MEIOB: variants seen among roughly 807,000 people sequenced by gnomAD.
MEIOB encodes meiosis specific with OB-fold.
MEIOB carries 50 observed loss-of-function variants against 53.1 expected under a neutral mutation model. That is an observed-to-expected ratio of 0.94 (90% CI 0.75 to 1.19). The LOEUF (loss-of-function observed/expected upper bound fraction) is 1.19, where lower values mean the gene tolerates loss of function less well. MEIOB is among the 50% of genes most tolerant of loss of function. The pLI is 0.00. For synonymous variants in MEIOB, 192 were observed against 182.5 expected, an observed-to-expected ratio of 1.05 and a Z score of -0.42; for missense variants, 551 against 550.8, an observed-to-expected ratio of 1.00 and a Z score of 0.00.
intron 6 of MEIOB, 153 bp downstream of exon 6, chr16:1,857,582 G>A: frequency 1.8e-6 from 1 of 565,078 alleles, no homozygotes; most frequent in Non-Finnish European, 3.1e-6. Flanking sequence ...TCCCTTTAAT[G>A]AGAAGTGTTA....
chr16:1,862,021 T>G lies in MEIOB; in HGVS notation c.223A>C (p.Lys75Gln). Residue 75 changes from lysine to glutamine, a missense_variant, in exon 4 of 14, where the codon AAG becomes CAG. Physicochemically the swap from Lys to Gln is moderately conservative, Grantham distance 53. Transcript: ENST00000325962. ...AASWGNEDYI[K>Q]SLSDSFRVGD... ...ACCCTAAAGCTGTCAGAAAGAGACT[T>G]GATGTAATCTTCATTGCCCCAGGAA... 1.3e-6 allele frequency: 2 copies of G among 1,551,480 alleles called. No individual in the cohort carries two copies. The highest frequency in any genetic ancestry group is 1.7e-6 in the Non-Finnish European group (2 of 1,146,866).
intron 9 of MEIOB, among the ~76,000 whole-genome samples, chr16:1,847,605 G>A (rs1567275407): frequency 6.6e-6 from 1 of 151,576 alleles, no homozygotes; most frequent in East Asian, 1.9e-4. Flanking sequence ...GAGAAGAGGG[G>A]AGGGGAGGGG....
In MEIOB at chr16:1,862,035, T is replaced by C; in HGVS notation, c.209A>G (p.Asn70Ser). ...AGAAAGAGACTTGATGTAATCTTCA[T>C]TGCCCCAGGAAGCTGCATTTACAAA... is the stretch of plus-strand genomic sequence containing the variant. ...AHFVNAASWGNEDYIKSLSDS... is the reference protein window; with the variant it reads ...AHFVNAASWGSEDYIKSLSDS... Residue 70 changes from asparagine to serine, a missense_variant, in exon 4 of 14, where the codon AAT becomes AGT. Asn to Ser is a conservative substitution (Grantham distance 46). Transcript: ENST00000325962. 2 of 1,551,508 alleles carry C rather than the reference T, an allele frequency of 1.3e-6. No homozygotes were observed. The highest frequency in any genetic ancestry group is 1.7e-6 in the Non-Finnish European group (2 of 1,146,866).
At chr16:1,837,493 A>G (rs768765487) in intron 13 of MEIOB, among the ~76,000 whole-genome samples, 7 of 152,064 alleles carry the variant, frequency 4.6e-5, no homozygotes, top group Non-Finnish European at 7.4e-5. Flanking sequence ...GGTGTGTACT[A>G]TTGCACCCAT....
chr16:1,847,869 C>G (rs1370793779), intron 9 of MEIOB, among the ~76,000 whole-genome samples: 2 of 152,112 alleles, frequency 1.3e-5, no homozygotes, highest in African/African-American at 4.8e-5. Context: ...CTCAAGTTTC[C>G]TGAAATGGCA....
At chr16:1,840,898 A>C (rs1223550933) in intron 11 of MEIOB, 1 of 151,970 alleles carries the variant, frequency 6.6e-6, no homozygotes, top group Non-Finnish European at 1.5e-5. Context: ...TATCTCAATG[A>C]AAATTCAGTT....
chr16:1,867,279 AG>A (rs1899616001), intron 2 of MEIOB, among the ~76,000 whole-genome samples: 2 of 151,998 alleles, frequency 1.3e-5, no homozygotes, highest in African/African-American at 4.8e-5. Context: ...GTAACAGTCG[AG>A]ATGTGTTCAA....
At chr16:1,854,951 A>C (rs1303755229) in intron 6 of MEIOB, among the ~76,000 whole-genome samples, 5 of 152,052 alleles carry the variant, frequency 3.3e-5, no homozygotes, top group South Asian at 2.1e-4. Context: ...ATGGACAGTC[A>C]CTGGCCACCC....
chr16:1,862,003 A>T lies in MEIOB; in HGVS notation c.241T>A (p.Phe81Ile). 6.4e-7 allele frequency: 1 copy of T among 1,551,242 alleles called. No individual in the cohort carries two copies. Among genetic ancestry groups the T allele is most frequent in the Non-Finnish European group, 8.7e-7 (1 of 1,146,770 alleles). Residue 81 changes from phenylalanine to isoleucine, a missense_variant, in exon 4 of 14, where the codon TTT (phenylalanine) becomes ATT (isoleucine). Phe to Ile is a conservative substitution (Grantham distance 21, BLOSUM62 0). Transcript: ENST00000325962. Reference sequence around the variant, plus strand: ...AACTTACCACAGTCACCAACCCTAAAGCTGTCAGAAAGAGACTTGATGTAA... The same window carrying T: ...AACTTACCACAGTCACCAACCCTAATGCTGTCAGAAAGAGACTTGATGTAA... Reference protein sequence around the residue: ...EDYIKSLSDSFRVGDCVIIEN... With the variant: ...EDYIKSLSDSIRVGDCVIIEN...
intron 6 of MEIOB, among the ~76,000 whole-genome samples, chr16:1,857,228 G>A (rs929540153): frequency 6.6e-6 from 1 of 152,120 alleles, no homozygotes; most frequent in African/African-American, 2.4e-5. Context: ...CCCACGGAGG[G>A]CCATCCTCCC....
chr16:1,856,218 C>T (rs926268704), intron 6 of MEIOB, among the ~76,000 whole-genome samples: 9 of 150,482 alleles, frequency 6.0e-5, no homozygotes. Flanking sequence ...GGCAGTGGTA[C>T]GATCTCGGCT....
intron 4 of MEIOB, 72 bp downstream of exon 4, chr16:1,861,913 G>T (rs753647435): frequency 7.6e-5 from 105 of 1,390,660 alleles, no homozygotes; most frequent in Non-Finnish European, 9.9e-5. Context: ...AACTCCTTCA[G>T]TATAGTTACC....
chr16:1,857,261 C>T (rs1260172675), intron 6 of MEIOB, among the ~76,000 whole-genome samples: 1 of 152,188 alleles, frequency 6.6e-6, no homozygotes, highest in Non-Finnish European at 1.5e-5. Context: ...AGCATGGTCC[C>T]ACTGCACCTA....
chr16:1,854,284 C>T (rs757920583), intron 6 of MEIOB, 84 bp from the exon 7 acceptor site: 210 of 758,404 alleles, frequency 2.8e-4, no homozygotes, highest in Non-Finnish European at 4.0e-4. Flanking sequence ...CAAATGTTCA[C>T]CTTTTAAACA....
chr16:1,854,901 C>T (rs547303968), intron 6 of MEIOB, among the ~76,000 whole-genome samples: 231 of 152,052 alleles, frequency 1.5e-3, no homozygotes, highest in African/African-American at 5.3e-3. Flanking sequence ...CATGTGGGAA[C>T]GGCAGGCACC....
At chr16:1,869,270 G>A (rs2754190) in intron 1 of MEIOB, among the ~76,000 whole-genome samples, 125,481 of 151,930 alleles carry the variant, frequency 0.83, 51,909 homozygotes, top group Middle Eastern at 0.9. Flanking sequence ...GATTACAGGC[G>A]CCTGCCACCA....
intron 10 of MEIOB, among the ~76,000 whole-genome samples, chr16:1,844,650 C>T (rs1006715109): frequency 8.6e-5 from 13 of 151,916 alleles, no homozygotes; most frequent in African/African-American, 2.9e-4. Context: ...TTAGTAGAGA[C>T]GGCGTTTTGC....
chr16:1,840,547 AT>A (rs202034014), intron 11 of MEIOB, among the ~76,000 whole-genome samples: 36,548 of 143,874 alleles, frequency 0.25, 4,902 homozygotes, highest in South Asian at 0.33. Flanking sequence ...TCTTATTATT[AT>A]TTTTTTTTTT....
rs554266504 is a variant in MEIOB, at chr16:1,850,507, C to T, written c.778+2532G>A. Among the ~76,000 whole-genome samples the T allele has an allele frequency of 2.6e-5, 4 of 151,578 alleles. No individual in the cohort carries two copies. The South Asian group carries it at 6.3e-4, about 24-fold the overall frequency. ...AGGAGAATCGCTTGAACCCAGGAGG[C>T]GGAGGCTGCAGTGAGCCGAGATTGT... On this transcript the variant is annotated intron_variant, in intron 9 of 13. Coordinates refer to ENST00000325962, the MANE Select transcript of MEIOB (RefSeq NM_001163560.3).
Sources: gnomAD v4.1 joint callset for allele counts (sites outside exome capture counted in the v4.1 genomes callset) on GRCh38, gnomAD v4.1.1 for gene constraint, MANE v1.5 for transcripts, NCBI Gene and HGNC (gene_info 2026-07-23, HGNC 2026-07-21) for gene names.